The following OLA1 variants were observed in gnomAD, a reference collection of about 807,000 sequenced individuals.
OLA1 encodes Obg like ATPase 1, also known as obg-like ATPase 1.
A neutral mutation model predicts 48.4 loss-of-function variants in OLA1; 14 were observed. The ratio of observed to expected loss-of-function variants is 0.29; its 90% CI spans 0.19 to 0.45. OLA1 has a LOEUF of 0.45. Among genes scored for constraint, OLA1 ranks in the 20% least tolerant of loss-of-function variants. OLA1 has a pLI of 1.00. For missense variants in OLA1, 325 were observed against 467.1 expected (o/e 0.70, Z 2.80); for synonymous variants, 127 against 150.4 (o/e 0.84, Z 1.14).
chr2:174,110,768 C>G (rs544820794), intron 7 of OLA1, among the ~76,000 whole-genome samples: 3 of 152,068 alleles, frequency 2.0e-5, no homozygotes, highest in Admixed American at 1.3e-4. Context: ...TTTTTGTAGA[C>G]GTAGGATGTA....
rs1324315137 is a variant in OLA1, at chr2:174,074,522, C to T, written c.*904G>A. The T allele has an allele frequency of 6.6e-6, 1 of 152,144 alleles. No homozygotes were observed. The highest frequency in any genetic ancestry group is 1.5e-5 in the Non-Finnish European group (1 of 68,030). The allele number at this position is 152,144 out of a possible 1,614,324, so 9.4% of individuals were successfully genotyped here. On this transcript the variant is annotated 3_prime_UTR_variant, in exon 11 of 11. Transcript: ENST00000284719. ...ATTTTTAAAATTTTCAAAGTCTGAT[C>T]TTAGTATTTCAAAATCAGTGTAGGA...
At chr2:174,126,287 G>A (rs1010041944) in intron 5 of OLA1, among the ~76,000 whole-genome samples, 3 of 151,744 alleles carry the variant, frequency 2.0e-5, no homozygotes, top group Non-Finnish European at 2.9e-5. Flanking sequence ...TATAAATAAC[G>A]ATGATTAGAA....
chr2:174,113,083 G>A (rs1685693838), intron 7 of OLA1, among the ~76,000 whole-genome samples: 2 of 152,012 alleles, frequency 1.3e-5, no homozygotes, highest in Non-Finnish European at 2.9e-5. Context: ...TGGGATTACA[G>A]GTGCCCGCCA....
intron 4 of OLA1, among the ~76,000 whole-genome samples, chr2:174,194,158 G>A (rs2105426078): frequency 6.6e-6 from 1 of 152,274 alleles, no homozygotes. Context: ...TGTCACCGCT[G>A]TTCTCGTCCC....
chr2:174,152,931 A>C (rs995675270), intron 4 of OLA1, among the ~76,000 whole-genome samples: 7 of 152,204 alleles, frequency 4.6e-5, no homozygotes, highest in Admixed American at 4.6e-4. Context: ...AAGTAGCCAG[A>C]AGAATGTGCT....
chr2:174,191,138 A>C (rs1324332033), intron 4 of OLA1, among the ~76,000 whole-genome samples: 1 of 152,044 alleles, frequency 6.6e-6, no homozygotes, highest in African/African-American at 2.4e-5. Context: ...AAAAATGACA[A>C]GTATGTGAGG....
chr2:174,136,672 C>CTT (rs555917413), intron 5 of OLA1, among the ~76,000 whole-genome samples: 2 of 141,934 alleles, frequency 1.4e-5, no homozygotes, highest in Non-Finnish European at 1.6e-5. Flanking sequence ...CATGAATATT[C>CTT]TTTTTTTTTT....
At chr2:174,141,273 G>A (rs1686441013) in intron 5 of OLA1, among the ~76,000 whole-genome samples, 1 of 152,160 alleles carries the variant, frequency 6.6e-6, no homozygotes, top group Non-Finnish European at 1.5e-5. Flanking sequence ...TCAATCATAT[G>A]TAAACTAAAA....
chr2:174,081,283 A>G, intron 8 of OLA1, 35 bp from the exon 9 acceptor site: 5 of 1,520,298 alleles, frequency 3.3e-6, no homozygotes, highest in Non-Finnish European at 4.6e-6. Flanking sequence ...CCCAACACAT[A>G]AGTTGATTGT....
chr2:174,107,315 C>A (rs1000361059), intron 7 of OLA1, among the ~76,000 whole-genome samples: 1 of 152,020 alleles, frequency 6.6e-6, no homozygotes, highest in African/African-American at 2.4e-5. Context: ...GTAAAATGGA[C>A]GTCCACGCTC....
chr2:174,078,003 C>T (rs1028858304), intron 10 of OLA1, among the ~76,000 whole-genome samples: 4 of 151,928 alleles, frequency 2.6e-5, no homozygotes, highest in African/African-American at 7.2e-5. Context: ...TCCTTCCACT[C>T]TTTCAAAAAA....
At chr2:174,076,744 C>T (rs900298616) in intron 10 of OLA1, among the ~76,000 whole-genome samples, 8 of 151,094 alleles carry the variant, frequency 5.3e-5, no homozygotes, top group South Asian at 2.1e-4. Flanking sequence ...CAATTAAAGG[C>T]ATATGTGTGT....
chr2:174,208,982 A>G (rs1688175863), intron 4 of OLA1, among the ~76,000 whole-genome samples: 1 of 152,210 alleles, frequency 6.6e-6, no homozygotes, highest in Admixed American at 6.5e-5. Context: ...TGAGGCCTCT[A>G]ACATGGACTG....
chr2:174,165,465 CG>C (rs1553485295), intron 4 of OLA1, among the ~76,000 whole-genome samples: 1 of 152,162 alleles, frequency 6.6e-6, no homozygotes, highest in Non-Finnish European at 1.5e-5. Flanking sequence ...AAGGTTTCTT[CG>C]TTTCCAAACA....
intron 7 of OLA1, among the ~76,000 whole-genome samples, chr2:174,096,926 G>A (rs1421641649): frequency 6.6e-6 from 1 of 152,312 alleles, no homozygotes; most frequent in South Asian, 2.1e-4. Flanking sequence ...GGGAAGCCAA[G>A]GCGGGCAGAT....
At chr2:174,218,093 C>G (rs1574558830) in intron 4 of OLA1, 1 of 152,038 alleles carries the variant, frequency 6.6e-6, no homozygotes, top group Non-Finnish European at 1.5e-5. Flanking sequence ...ACATTACAAC[C>G]TCAACTACTG....
intron 7 of OLA1, among the ~76,000 whole-genome samples, chr2:174,120,995 A>G (rs1685902758): frequency 6.6e-6 from 1 of 152,240 alleles, no homozygotes; most frequent in Non-Finnish European, 1.5e-5. Context: ...TAAAGAAGCA[A>G]CTAATAATGC....
At chr2:174,143,500 G>A (rs998203139) in intron 4 of OLA1, among the ~76,000 whole-genome samples, 2 of 152,176 alleles carry the variant, frequency 1.3e-5, no homozygotes, top group Admixed American at 1.3e-4. Context: ...ACTTACAGGA[G>A]TGACTAAGCT....
At chr2:174,206,571 A>G (rs760317839) in intron 4 of OLA1, among the ~76,000 whole-genome samples, 7 of 151,832 alleles carry the variant, frequency 4.6e-5, no homozygotes, top group Non-Finnish European at 7.4e-5. Context: ...AGAAAAAAAT[A>G]CAAATGCCTC....
Sources: gnomAD v4.1 joint callset for allele counts (sites outside exome capture counted in the v4.1 genomes callset) on GRCh38, gnomAD v4.1.1 for gene constraint, MANE v1.5 for transcripts, NCBI Gene and HGNC (gene_info 2026-07-23, HGNC 2026-07-21) for gene names.